KCNMA1: variants seen among roughly 807,000 people sequenced by gnomAD.
KCNMA1 encodes potassium calcium-activated channel subfamily M alpha 1.
Under a neutral mutation model 140.0 loss-of-function variants are expected in KCNMA1, and 29 were observed. That is an observed-to-expected ratio of 0.21 (90% confidence interval 0.15 to 0.28). KCNMA1 has a LOEUF of 0.28. Ranked by LOEUF, KCNMA1 falls within the 10% of genes least tolerant of loss-of-function variation. The pLI is 1.00. For missense variants in KCNMA1, 880 were observed against 1,602.2 expected (o/e 0.55, Z 7.70); for synonymous variants, 612 against 611.9 (o/e 1.00, Z 0.00).
chr10:77,488,072 C>T (rs564900460), intron 1 of KCNMA1, among the ~76,000 whole-genome samples: 1 of 152,286 alleles, frequency 6.6e-6, no homozygotes, highest in South Asian at 2.1e-4. Context: ...TATTAATAAG[C>T]ACCCATGCAG....
At chr10:77,372,282 ACGATTGTTC>A (rs1210544517) in intron 2 of KCNMA1, among the ~76,000 whole-genome samples, 1 of 152,150 alleles carries the variant, frequency 6.6e-6, no homozygotes, top group African/African-American at 2.4e-5. Flanking sequence ...TGTTTTGCCC[ACGATTGTTC>A]CCATCGCTGC....
chr10:77,260,398 A>C (rs943634248), intron 2 of KCNMA1, among the ~76,000 whole-genome samples: 1 of 152,162 alleles, frequency 6.6e-6, no homozygotes, highest in African/African-American at 2.4e-5. Flanking sequence ...GAAGGGCCAG[A>C]GTGTCCAGCA....
chr10:77,404,925 G>T (rs958946285), intron 1 of KCNMA1, among the ~76,000 whole-genome samples: 1 of 152,190 alleles, frequency 6.6e-6, no homozygotes. Flanking sequence ...TGAAGCCACT[G>T]CAGAGAAAAG....
At chr10:77,167,559 T>C (rs1319098544) in intron 5 of KCNMA1, among the ~76,000 whole-genome samples, 1 of 152,090 alleles carries the variant, frequency 6.6e-6, no homozygotes, top group African/African-American at 2.4e-5. Context: ...ATGATAATAA[T>C]AAAGATGATG....
downstream of KCNMA1, chr10:76,872,904 C>A (rs1270214159): frequency 6.6e-6 from 1 of 151,736 alleles, no homozygotes; most frequent in Admixed American, 6.6e-5. Flanking sequence ...TCTTTCTTCC[C>A]AGATTCTTAA....
intron 25 of KCNMA1, among the ~76,000 whole-genome samples, chr10:76,901,063 A>G (rs569307461): frequency 6.6e-6 from 1 of 152,268 alleles, no homozygotes; most frequent in East Asian, 1.9e-4. Context: ...GAACATCCAC[A>G]GACTGGAGTC....
intron 2 of KCNMA1, among the ~76,000 whole-genome samples, chr10:77,265,721 T>C (rs1390989935): frequency 1.3e-5 from 2 of 152,086 alleles, no homozygotes; most frequent in Admixed American, 1.3e-4. Flanking sequence ...CATTGAAAGG[T>C]ACCTCATGAA....
At chr10:77,226,280 G>GT (rs1316233449) in intron 3 of KCNMA1, among the ~76,000 whole-genome samples, 1 of 152,050 alleles carries the variant, frequency 6.6e-6, no homozygotes, top group Non-Finnish European at 1.5e-5. Context: ...TGAAAACAAT[G>GT]TAATAATCAG....
intron 1 of KCNMA1, among the ~76,000 whole-genome samples, chr10:77,489,726 A>G (rs2098509179): frequency 6.6e-6 from 1 of 152,238 alleles, no homozygotes; most frequent in East Asian, 1.9e-4. Flanking sequence ...TCCAAAGCAG[A>G]GCTTAATATC....
chr10:76,899,862 G>A (rs1190725378), intron 25 of KCNMA1, among the ~76,000 whole-genome samples: 1 of 151,976 alleles, frequency 6.6e-6, no homozygotes, highest in East Asian at 1.9e-4. Flanking sequence ...TTAATGGCAT[G>A]GTAATAATTA....
chr10:77,019,055 G>T lies in KCNMA1; in HGVS notation c.1973C>A (p.Thr658Asn). 1 of 1,597,330 alleles carries T rather than the reference G, an allele frequency of 6.3e-7. No homozygotes were observed. The highest frequency in any genetic ancestry group is 8.6e-7 in the Non-Finnish European group (1 of 1,164,976). Reference protein sequence around the residue: ...PGNHLKIQEGTLGFFIASDAK... With the variant: ...PGNHLKIQEGNLGFFIASDAK... ...ATCACTTGCGATGAAAAATCCTAAA[G>T]TACCTTCTTGGATCTTAAGATGGTT... Residue 658 changes from threonine to asparagine, a missense_variant, in exon 17 of 28, where the codon ACT (threonine) becomes AAT (asparagine). Thr to Asn is a moderately conservative substitution (Grantham distance 65, BLOSUM62 0). Transcript: ENST00000286628.
At chr10:77,459,437 A>G (rs1219152389) in intron 1 of KCNMA1, among the ~76,000 whole-genome samples, 1 of 152,238 alleles carries the variant, frequency 6.6e-6, no homozygotes, top group Non-Finnish European at 1.5e-5. Flanking sequence ...CAGCAACTAT[A>G]CAAACACTGA....
rs112181112 is a variant in KCNMA1, at chr10:77,072,901, G to A, written c.1749+196C>T. On this transcript the variant is annotated intron_variant, in intron 14 of 27. Coordinates refer to ENST00000286628, the MANE Select transcript of KCNMA1 (RefSeq NM_001161352.2). ...TGCTTTGAACAATCATTTAATGGCC[G>A]TGGATGTGCCAAATAAAAATAAAAA... 5.6e-3 allele frequency among the ~76,000 whole-genome samples: 854 copies of A among 152,286 alleles called. 1 individual carries two copies. The highest frequency in any genetic ancestry group is 8.6e-3 in the Non-Finnish European group (584 of 68,036).
chr10:77,241,303 C>A (rs2057207352), intron 3 of KCNMA1, among the ~76,000 whole-genome samples: 1 of 152,102 alleles, frequency 6.6e-6, no homozygotes, highest in South Asian at 2.1e-4. Context: ...ATTTTAACTT[C>A]TTTAAAATCA....
intron 9 of KCNMA1, among the ~76,000 whole-genome samples, chr10:77,096,929 T>G (rs1221120119): frequency 1.3e-5 from 2 of 152,138 alleles, no homozygotes; most frequent in Non-Finnish European, 1.5e-5. Flanking sequence ...GGGAATGAAT[T>G]TTAAGAAGTA....
At chr10:77,213,699 C>T (rs374000411) in intron 3 of KCNMA1, among the ~76,000 whole-genome samples, 7 of 152,166 alleles carry the variant, frequency 4.6e-5, no homozygotes, top group African/African-American at 1.7e-4. Flanking sequence ...GCTGGCCTCC[C>T]AGGTCCTTGC....
chr10:77,126,302 C>CA (rs2097731540), intron 5 of KCNMA1, among the ~76,000 whole-genome samples: 1 of 151,938 alleles, frequency 6.6e-6, no homozygotes, highest in African/African-American at 2.4e-5. Flanking sequence ...TTTACAGTTT[C>CA]AAAAAATAGT....
chr10:77,060,385 G>A (rs1003822688), intron 14 of KCNMA1, among the ~76,000 whole-genome samples: 19 of 152,250 alleles, frequency 1.2e-4, no homozygotes, highest in Non-Finnish European at 2.2e-4. Context: ...GTTTGGTTCC[G>A]GTACCTCCTT....
At chr10:77,273,963 G>C (rs1309685517) in intron 2 of KCNMA1, among the ~76,000 whole-genome samples, 1 of 152,172 alleles carries the variant, frequency 6.6e-6, no homozygotes, top group Non-Finnish European at 1.5e-5. Flanking sequence ...TACATACATG[G>C]AAAGGAGGCA....
Sources: allele counts gnomAD v4.1 joint callset (sites outside exome capture counted in the v4.1 genomes callset), GRCh38; gene constraint gnomAD v4.1.1; transcripts MANE v1.5; gene names NCBI Gene and HGNC (gene_info 2026-07-23, HGNC 2026-07-21).